Variants in LONRF3 observed in about 807,000 individuals in gnomAD.
LONRF3 encodes LON peptidase N-terminal domain and ring finger 3, also known as LON peptidase N-terminal domain and RING finger protein 3.
Under a neutral mutation model 51.7 loss-of-function variants are expected in LONRF3, and 19 were observed. That is an observed-to-expected ratio of 0.37 (90% confidence interval 0.26 to 0.54). The LOEUF (loss-of-function observed/expected upper bound fraction) is 0.54. LONRF3 is among the 20% of genes least tolerant of loss of function. LONRF3 has a pLI of 0.86. For missense variants in LONRF3, 521 were observed against 623.9 expected, an observed-to-expected ratio of 0.84 and a Z score of 1.76; for synonymous variants, 265 against 257.8, an observed-to-expected ratio of 1.03 and a Z score of -0.27.
Position 118,989,458 on chromosome X carries a change from G to A in LONRF3, c.1110G>A (p.Arg370=), listed in dbSNP as rs752537596. Residue 370 remains arginine (R), a synonymous_variant, in exon 4 of 11, where the codon AGG becomes AGA. Coordinates refer to ENST00000371628, the MANE Select transcript of LONRF3 (RefSeq NM_001031855.3). ...HCSSQEEAAA[R]GDGSSLMDPA... ...CTAGTCAGGAGGAAGCAGCAGCCAG[G>A]GGAGATGGCAGCAGTCTGATGGACC... 9.6e-5 allele frequency: 116 copies of A among 1,208,847 alleles called. No individual in the cohort carries two copies. Among genetic ancestry groups the A allele is most frequent in the Admixed American group, 1.3e-4 (6 of 45,699 alleles).
At chrX:118,985,600 A>G (rs1181995940) in intron 3 of LONRF3, among the ~76,000 whole-genome samples, 1 of 112,218 alleles carries the variant, frequency 8.9e-6, no homozygotes, top group Non-Finnish European at 1.9e-5. Flanking sequence ...GGTATCTGTT[A>G]TGTGCCCTCT....
At chrX:118,981,843 G>A (rs1922587671) in intron 2 of LONRF3, among the ~76,000 whole-genome samples, 1 of 112,110 alleles carries the variant, frequency 8.9e-6, no homozygotes, top group Non-Finnish European at 1.9e-5. Context: ...GGGGGCAGGG[G>A]AGTATCCAGC....
intron 5 of LONRF3, among the ~76,000 whole-genome samples, chrX:118,995,867 A>G (rs1000164477): frequency 1.8e-5 from 2 of 112,305 alleles, no homozygotes; most frequent in Non-Finnish European, 3.8e-5. Flanking sequence ...TAACAACAAC[A>G]AAAAGAAGTC....
Position 119,006,271 on chromosome X carries a change from A to C in LONRF3, c.1530+36A>C, listed in dbSNP as rs781680171. The C allele has an allele frequency of 3.7e-5, 37 of 1,001,103 alleles. No homozygotes were observed. In the East Asian group the frequency reaches 1.1e-3, roughly 29 times the overall value. The allele number at this position is 1,001,103 out of a possible 1,213,427, so 82.5% of individuals were successfully genotyped here. ...ATTTCTTTCTTGTTTGGTTTAAATC[A>C]GTATTTCTTTCTTGTTTTGTTTAGT... On this transcript the variant is annotated intron_variant, in intron 6 of 10. Coordinates refer to ENST00000371628, the MANE Select transcript of LONRF3 (RefSeq NM_001031855.3).
At chrX:119,015,687 A>G (rs912193261) in intron 10 of LONRF3, among the ~76,000 whole-genome samples, 1 of 112,499 alleles carries the variant, frequency 8.9e-6, no homozygotes, top group African/African-American at 3.2e-5. Flanking sequence ...GGGAAAACAC[A>G]GATGCTACAG....
At chrX:118,987,988 T>C (rs1337559272) in intron 3 of LONRF3, among the ~76,000 whole-genome samples, 2 of 111,454 alleles carry the variant, frequency 1.8e-5, no homozygotes, top group Non-Finnish European at 3.8e-5. Flanking sequence ...GGCCCTGGCT[T>C]TCCCGGCAGA....
In LONRF3 at chrX:119,009,884, C is replaced by T. The variant is rs1924986013; in HGVS notation, c.1652+637C>T. Among the ~76,000 whole-genome samples the T allele has an allele frequency of 2.7e-5, 3 of 111,171 alleles. No homozygotes were observed. In the Admixed American group the frequency reaches 2.9e-4, roughly 11 times the overall value. ...TTCCGGGTTCAAGCGATTCTCCTGC[C>T]TCAGCCACCCGAGTAGCTGAGATTA... On this transcript the variant is annotated intron_variant, in intron 7 of 10. Transcript: ENST00000371628.
chrX:118,999,510 G>A (rs1006970844), intron 5 of LONRF3, among the ~76,000 whole-genome samples: 3 of 111,945 alleles, frequency 2.7e-5, no homozygotes, highest in African/African-American at 9.8e-5. Context: ...TTTGTTGTGC[G>A]TATCCTTCTT....
At chrX:118,998,529 G>A (rs894799134) in intron 5 of LONRF3, among the ~76,000 whole-genome samples, 20 of 110,844 alleles carry the variant, frequency 1.8e-4, no homozygotes, top group Admixed American at 2.9e-4. Flanking sequence ...GGGTGATGGT[G>A]CACCAAAATC....
In LONRF3 at chrX:118,982,936, C is replaced by G; in HGVS notation, c.1052C>G (p.Ala351Gly). Reference protein sequence around the residue: ...DGKNKRARCEAQRDNLELPHC... With the variant: ...DGKNKRARCEGQRDNLELPHC... ...AAGAACAAGAGAGCAAGATGTGAAG[C>G]CCAAAGAGTGAGTTGAAATGACATC... The change falls in exon 3 of 11, where the codon GCC becomes GGC. Residue 351 changes from alanine to glycine, a missense_variant. Transcript: ENST00000371628. 1 of 1,209,162 alleles carries G rather than the reference C, an allele frequency of 8.3e-7. No homozygotes were observed. Among genetic ancestry groups the G allele is most frequent in the Non-Finnish European group, 1.1e-6 (1 of 894,028 alleles).
chrX:119,014,092 T>A, intron 9 of LONRF3, 115 bp from the exon 10 acceptor site: 2 of 776,261 alleles, frequency 2.6e-6, no homozygotes, highest in Non-Finnish European at 3.7e-6. Flanking sequence ...GCTGAATGGG[T>A]GAGCCTTCCC....
intron 6 of LONRF3, among the ~76,000 whole-genome samples, chrX:119,007,068 C>G (rs755360965): frequency 1.8e-5 from 2 of 112,521 alleles, no homozygotes; most frequent in Non-Finnish European, 3.8e-5. Context: ...CCATAAAGTC[C>G]TTCAGGAAAA....
chrX:118,989,447 G>A lies in LONRF3; in HGVS notation c.1099G>A (p.Ala367Thr), dbSNP rs1411943587. 3 of 1,211,059 alleles carry A rather than the reference G, an allele frequency of 2.5e-6. No homozygotes were observed. The highest frequency in any genetic ancestry group is 4.6e-4 in the Middle Eastern group (2 of 4,324). Reference sequence around the variant, plus strand: ...CCCACATTGTTCTAGTCAGGAGGAAGCAGCAGCCAGGGGAGATGGCAGCAG... The same window carrying A: ...CCCACATTGTTCTAGTCAGGAGGAAACAGCAGCCAGGGGAGATGGCAGCAG... The part of the protein sequence containing the change: ...ELPHCSSQEE[A>T]AARGDGSSLM... The change falls in exon 4 of 11, where the codon GCA (alanine) becomes ACA (threonine). Residue 367 changes from alanine (A) to threonine (T), a missense_variant. Physicochemically the swap from Ala to Thr is moderately conservative, Grantham distance 58 (BLOSUM62 0). Around this residue, in one of 2 missense-constraint regions of LONRF3, gnomAD observed 376 missense variants for 376.7 expected, o/e 1.00. Transcript: ENST00000371628.
chrX:119,002,050 C>G (rs1924354546), intron 5 of LONRF3, among the ~76,000 whole-genome samples: 1 of 112,658 alleles, frequency 8.9e-6, no homozygotes, highest in Non-Finnish European at 1.9e-5. Context: ...ATAATTAGAT[C>G]ACAGCAGTGG....
At chrX:119,009,926 T>C (rs1419264609) in intron 7 of LONRF3, among the ~76,000 whole-genome samples, 1 of 110,482 alleles carries the variant, frequency 9.1e-6, no homozygotes, top group Non-Finnish European at 1.9e-5. Flanking sequence ...TGCACCACCA[T>C]GCCCAGCGAA....
intron 6 of LONRF3, among the ~76,000 whole-genome samples, chrX:119,008,830 C>T (rs777212522): frequency 8.8e-4 from 98 of 111,786 alleles, no homozygotes; most frequent in Non-Finnish European, 1.6e-3. Context: ...AGAACATGAT[C>T]TTGATTTCAG....
chrX:118,998,709 A>AT (rs1924051007), intron 5 of LONRF3, among the ~76,000 whole-genome samples: 1 of 112,466 alleles, frequency 8.9e-6, no homozygotes, highest in Non-Finnish European at 1.9e-5. Flanking sequence ...AGTTAAATTC[A>AT]TTTTGTTTTT....
chrX:118,996,989 C>T (rs979367436), intron 5 of LONRF3, among the ~76,000 whole-genome samples: 1 of 108,034 alleles, frequency 9.3e-6, no homozygotes, highest in Non-Finnish European at 1.9e-5. Flanking sequence ...GGAGACAACA[C>T]AAACAAATGG....
chrX:118,997,257 C>T (rs1287911858), intron 5 of LONRF3, among the ~76,000 whole-genome samples: 1 of 111,968 alleles, frequency 8.9e-6, no homozygotes, highest in South Asian at 3.7e-4. Context: ...CAGCATGGTA[C>T]TCGTATAAAA....
Sources: allele counts gnomAD v4.1 joint callset (sites outside exome capture counted in the v4.1 genomes callset), GRCh38; gene constraint gnomAD v4.1.1; regional missense constraint gnomAD v4.1.1; transcripts MANE v1.5; gene names NCBI Gene and HGNC (gene_info 2026-07-23, HGNC 2026-07-21).